KIAA0586: variants seen among roughly 807,000 people sequenced by gnomAD.
KIAA0586 encodes the protein protein TALPID3.
KIAA0586 carries 144 observed loss-of-function variants against 169.8 expected under a neutral mutation model. The ratio of observed to expected loss-of-function variants is 0.85; its 90% confidence interval spans 0.74 to 0.97. KIAA0586 has a LOEUF of 0.97. Among genes scored for constraint, KIAA0586 ranks in the 50% least tolerant of loss-of-function variants. KIAA0586 has a pLI of 0.00. For missense variants in KIAA0586, 1,854 were observed against 1,823.0 expected (o/e 1.02, Z -0.31); for synonymous variants, 625 against 612.4 (o/e 1.02, Z -0.30).
At chr14:58,552,310 A>G (rs2047217728), downstream of KIAA0586, among the ~76,000 whole-genome samples, 2 of 152,180 alleles carry the variant, frequency 1.3e-5, no homozygotes, top group African/African-American at 2.4e-5. Context: ...CAGACTGTCA[A>G]ATCTTTGAGA....
In KIAA0586 at chr14:58,448,388, A is replaced by T; in HGVS notation, c.856A>T (p.Ser286Cys). Residue 286 changes from serine (S) to cysteine (C), a missense_variant, in exon 7 of 31, where the codon AGT becomes TGT. Ser to Cys is a moderately radical substitution (Grantham distance 112). Transcript: ENST00000652326. ...CAAGACTAGTAGTTTTCAGCCTGTTAGTATGCCCTCCTCCAGAGCAGTGGA... is the reference window on the plus strand; with the variant it reads ...CAAGACTAGTAGTTTTCAGCCTGTTTGTATGCCCTCCTCCAGAGCAGTGGA... Reference protein sequence around the residue: ...ALKTSSFQPVSMPSSRAVEKY... With the variant: ...ALKTSSFQPVCMPSSRAVEKY... 6.2e-7 allele frequency: 1 copy of T among 1,607,960 alleles called. No individual in the cohort carries two copies. Among genetic ancestry groups the T allele is most frequent in the Non-Finnish European group, 8.5e-7 (1 of 1,174,742 alleles).
rs928556415 is a variant in KIAA0586 at position 58,492,985 on chromosome 14, A to G, written c.3990+710A>G. On this transcript the variant is annotated intron_variant, in intron 26 of 30. Coordinates refer to ENST00000652326, the MANE Select transcript of KIAA0586 (RefSeq NM_001329943.3). ...TCATAAAGAACATTTTATTTAGGCC[A>G]TGGTAAGGCTTGGGCACTGTGGAGC... Among the ~76,000 whole-genome samples, 5 of 152,186 alleles carry G rather than the reference A, an allele frequency of 3.3e-5. No homozygotes were observed. In the East Asian group the frequency reaches 9.6e-4, roughly 29 times the overall value.
At chr14:58,508,418 G>A (rs993425479) in intron 27 of KIAA0586, 137 bp from the exon 28 acceptor site, 9 of 642,396 alleles carry the variant, frequency 1.4e-5, no homozygotes, top group Non-Finnish European at 1.6e-5. Context: ...CTTGGTCCAG[G>A]TGTTTTTGTT....
At chr14:58,443,903 A>G (rs148872964) in intron 5 of KIAA0586, 51 bp from the exon 6 acceptor site, 1 of 1,080,012 alleles carries the variant, frequency 9.3e-7, no homozygotes, top group Non-Finnish European at 1.4e-6. Context: ...AATTAGACAT[A>G]TTTTTGGTAT....
the KIAA0586 span, among the ~76,000 whole-genome samples, chr14:58,561,191 A>G: frequency 1.3e-5 from 2 of 152,210 alleles, no homozygotes; most frequent in African/African-American, 2.4e-5. Context: ...CCACAGAGAA[A>G]GCGTGTGTGT....
intron 27 of KIAA0586, 45 bp downstream of exon 27, chr14:58,499,005 C>T (rs762235467): frequency 6.7e-7 from 1 of 1,485,254 alleles, no homozygotes; most frequent in African/African-American, 1.4e-5. Context: ...AGTAGTATCC[C>T]TAATCTGAGT....
At chr14:58,560,175 C>T in the KIAA0586 span, among the ~76,000 whole-genome samples, 18 of 149,940 alleles carry the variant, frequency 1.2e-4, no homozygotes, top group South Asian at 1.5e-3. Flanking sequence ...AAAAGATGCA[C>T]AGGCCCCACT....
intron 30 of KIAA0586, among the ~76,000 whole-genome samples, chr14:58,545,476 A>G (rs187070189): frequency 6.6e-6 from 1 of 152,330 alleles, no homozygotes; most frequent in East Asian, 1.9e-4. Flanking sequence ...AGTATTTGGT[A>G]TCACTGTTGT....
rs180724111 is a variant in KIAA0586, at chr14:58,468,214, T to C, written c.2442+292T>C. On this transcript the variant is annotated intron_variant, in intron 16 of 30. Transcript: ENST00000652326. ...GCGCCCGCCACCATGCCCAGCTAAT[T>C]TTTTGTATTTTTTTTTAGTAGAGAT... Among the ~76,000 whole-genome samples the C allele has an allele frequency of 0.02, 3,098 of 152,022 alleles. 51 individuals are homozygous for C. Among genetic ancestry groups the C allele is most frequent in the Middle Eastern group, 0.054 (16 of 294 alleles).
intron 29 of KIAA0586, among the ~76,000 whole-genome samples, chr14:58,522,668 G>T (rs183579613): frequency 6.6e-6 from 1 of 152,122 alleles, no homozygotes; most frequent in South Asian, 2.1e-4. Flanking sequence ...AAGAGGAAAG[G>T]GGTAGTTGAG....
At chr14:58,507,874 T>A (rs981371733) in intron 27 of KIAA0586, among the ~76,000 whole-genome samples, 10 of 152,056 alleles carry the variant, frequency 6.6e-5, no homozygotes, top group African/African-American at 1.7e-4. Context: ...AACCTCCGCC[T>A]CCTGGGTTCA....
chr14:58,491,509 A>G (rs2042831414), intron 25 of KIAA0586, among the ~76,000 whole-genome samples: 1 of 152,188 alleles, frequency 6.6e-6, no homozygotes, highest in Non-Finnish European at 1.5e-5. Context: ...TAATATCTGT[A>G]TTTACAAGAT....
chr14:58,520,575 G>A (rs896394397), intron 29 of KIAA0586, among the ~76,000 whole-genome samples: 2 of 152,130 alleles, frequency 1.3e-5, no homozygotes, highest in African/African-American at 4.8e-5. Context: ...AGGCTGGAGT[G>A]CAGTGGCGTG....
At chr14:58,501,817 A>G (rs1285612321) in intron 27 of KIAA0586, among the ~76,000 whole-genome samples, 16 of 152,296 alleles carry the variant, frequency 1.1e-4, no homozygotes, top group African/African-American at 3.8e-4. Flanking sequence ...CTATGTACGA[A>G]ATTACCCCAC....
At chr14:58,427,654 G>A, upstream of KIAA0586, 1 of 1,535,670 alleles carries the variant, frequency 6.5e-7, no homozygotes, top group Non-Finnish European at 8.7e-7. Context: ...TTCTTGGCGC[G>A]CATGCGTGTT....
At chr14:58,526,298 A>G (rs555629613) in intron 29 of KIAA0586, among the ~76,000 whole-genome samples, 1 of 152,278 alleles carries the variant, frequency 6.6e-6, no homozygotes, top group Admixed American at 6.5e-5. Context: ...CAGACACCTC[A>G]TACAGGAGAT....
chr14:58,438,227 C>T (rs1322877818), intron 4 of KIAA0586, among the ~76,000 whole-genome samples: 6 of 151,940 alleles, frequency 3.9e-5, no homozygotes, highest in Admixed American at 1.3e-4. Flanking sequence ...ATTTATATGT[C>T]GTAGCTCTTT....
chr14:58,535,699 A>ATTT (rs3041108), intron 29 of KIAA0586, among the ~76,000 whole-genome samples: 4 of 141,312 alleles, frequency 2.8e-5, no homozygotes, highest in East Asian at 2.1e-4. Context: ...AATTTATTGG[A>ATTT]TTTTTTTTTT....
At position 58,429,871 on chromosome 14, in the gene KIAA0586, A is replaced by G. The variant is rs762369455; in HGVS notation, c.270+438A>G. On this transcript the variant is annotated intron_variant, in intron 2 of 30. Transcript: ENST00000652326. Reference sequence around the variant, plus strand: ...GGAGGTTCTTTAAGAATAACATGAAATTATCATCTTAACTTTATAATGCCG... The same window carrying G: ...GGAGGTTCTTTAAGAATAACATGAAGTTATCATCTTAACTTTATAATGCCG... 7.9e-4 allele frequency among the ~76,000 whole-genome samples: 121 copies of G among 152,286 alleles called. 1 individual carries two copies. The highest frequency in any genetic ancestry group is 1.3e-3 in the Non-Finnish European group (91 of 68,002).
Sources: gnomAD v4.1 joint callset for allele counts (sites outside exome capture counted in the v4.1 genomes callset) on GRCh38, gnomAD v4.1.1 for gene constraint, MANE v1.5 for transcripts, NCBI Gene and HGNC (gene_info 2026-07-23, HGNC 2026-07-21) for gene names.